The following MBNL2 variants were observed in gnomAD, a reference collection of about 807,000 sequenced individuals.
The protein encoded by MBNL2 is muscleblind like splicing regulator 2.
Under a neutral mutation model 41.9 loss-of-function variants are expected in MBNL2, and 17 were observed. The observed-to-expected ratio is 0.41, with a 90% confidence interval of 0.28 to 0.61. MBNL2 has a LOEUF of 0.61. Among genes scored for constraint, MBNL2 ranks in the 20% least tolerant of loss-of-function variants. The probability of loss-of-function intolerance (pLI) is 0.35; values close to 1 mark genes in which losing one functional copy is unlikely to be tolerated. For missense variants in MBNL2, 336 were observed against 505.6 expected, an observed-to-expected ratio of 0.66 and a Z score of 3.22; for synonymous variants, 195 against 182.9, an observed-to-expected ratio of 1.07 and a Z score of -0.53.
the MBNL2 span, among the ~76,000 whole-genome samples, chr13:97,165,800 A>C: frequency 1.3e-5 from 2 of 152,242 alleles, no homozygotes; most frequent in Non-Finnish European, 2.9e-5. Flanking sequence ...TGTATACTTC[A>C]AAAAGCATGC....
At chr13:97,175,574 CAGT>C in the MBNL2 span, among the ~76,000 whole-genome samples, 1 of 152,128 alleles carries the variant, frequency 6.6e-6, no homozygotes, top group Non-Finnish European at 1.5e-5. Flanking sequence ...AAAAATGTCC[CAGT>C]AGAAGTTAAT....
chr13:97,344,219 A>G (rs2061655440), intron 4 of MBNL2, among the ~76,000 whole-genome samples: 1 of 152,262 alleles, frequency 6.6e-6, no homozygotes, highest in Admixed American at 6.5e-5. Context: ...GAATCAAACC[A>G]AACCTCCTGT....
chr13:97,354,643 T>G (rs1410215906), intron 5 of MBNL2, among the ~76,000 whole-genome samples: 22 of 152,238 alleles, frequency 1.4e-4, no homozygotes. Context: ...AGAAGAAGAA[T>G]ATTAACCTTC....
At chr13:97,191,806 G>C in the MBNL2 span, among the ~76,000 whole-genome samples, 2 of 152,178 alleles carry the variant, frequency 1.3e-5, no homozygotes, top group Non-Finnish European at 2.9e-5. Context: ...CTTAGGAAGG[G>C]GGAGCCCTCT....
chr13:97,160,126 T>C, the MBNL2 span, among the ~76,000 whole-genome samples: 1 of 152,212 alleles, frequency 6.6e-6, no homozygotes, highest in African/African-American at 2.4e-5. Flanking sequence ...GTAATTTTCT[T>C]ATGTTTAAAA....
At chr13:97,193,199 A>G in the MBNL2 span, among the ~76,000 whole-genome samples, 2 of 152,222 alleles carry the variant, frequency 1.3e-5, no homozygotes, top group Non-Finnish European at 2.9e-5. Flanking sequence ...TGAGAAAGGA[A>G]CAGCAGTTCC....
chr13:97,181,938 T>C, the MBNL2 span, among the ~76,000 whole-genome samples: 1 of 152,210 alleles, frequency 6.6e-6, no homozygotes, highest in African/African-American at 2.4e-5. Flanking sequence ...CATCAATGGA[T>C]ACAGAATGGT....
intron 2 of MBNL2, among the ~76,000 whole-genome samples, chr13:97,327,515 G>T (rs1467538470): frequency 8.1e-6 from 1 of 123,910 alleles, no homozygotes; most frequent in African/African-American, 3.3e-5. Flanking sequence ...CTATTTGACA[G>T]ATGAGAAAAT....
intron 8 of MBNL2, among the ~76,000 whole-genome samples, chr13:97,388,392 A>T (rs769188830): frequency 2.4e-4 from 36 of 151,840 alleles, no homozygotes; most frequent in Non-Finnish European, 3.4e-4. Context: ...CACAAAATGT[A>T]TCTATTCATC....
chr13:97,144,420 C>CTTTTTTTTTTT, the MBNL2 span, among the ~76,000 whole-genome samples: 4 of 87,606 alleles, frequency 4.6e-5, 1 homozygote, highest in African/African-American at 2.2e-4. Flanking sequence ...AGACATGATA[C>CTTTTTTTTTTT]TTCTTTTTTT....
At chr13:97,381,178 T>C (rs1252665937) in intron 8 of MBNL2, among the ~76,000 whole-genome samples, 2 of 152,054 alleles carry the variant, frequency 1.3e-5, no homozygotes, top group African/African-American at 4.8e-5. Context: ...AACACTAATT[T>C]TTTTGCTGGA....
intron 1 of MBNL2, among the ~76,000 whole-genome samples, chr13:97,229,442 T>C (rs1173078589): frequency 6.6e-6 from 1 of 152,106 alleles, no homozygotes; most frequent in Non-Finnish European, 1.5e-5. Context: ...GCTCATCCTT[T>C]AAAAATGTCA....
chr13:97,314,094 C>G (rs1594197222), intron 2 of MBNL2, among the ~76,000 whole-genome samples: 1 of 152,094 alleles, frequency 6.6e-6, no homozygotes, highest in African/African-American at 2.4e-5. Flanking sequence ...ACCATCTGGT[C>G]ACCTCACTCT....
At position 97,233,473 on chromosome 13, in the gene MBNL2, GC is replaced by G. The variant is rs913120762; in HGVS notation, c.-605+10943del. Among the ~76,000 whole-genome samples the G allele has an allele frequency of 8.6e-5, 13 of 151,076 alleles. No homozygotes were observed. The South Asian group carries it at 2.3e-3, about 27-fold the overall frequency. ...GTTCTCTCTTCGAAGTCTGTACCTG[GC>G]ACCCCTACTAAATGGCACACACAGA... is the stretch of plus-strand genomic sequence containing the variant. On this transcript the variant is annotated intron_variant, in intron 1 of 8. Transcript: ENST00000679496.
chr13:97,339,710 T>G (rs76393021), intron 3 of MBNL2, among the ~76,000 whole-genome samples: 6,875 of 151,956 alleles, frequency 0.045, 478 homozygotes, highest in African/African-American at 0.15. Flanking sequence ...TTAATTTGAA[T>G]TCAGGATCTG....
At chr13:97,274,756 C>G (rs1445920915) in intron 1 of MBNL2, among the ~76,000 whole-genome samples, 1 of 152,120 alleles carries the variant, frequency 6.6e-6, no homozygotes, top group Non-Finnish European at 1.5e-5. Context: ...GATTTCATAA[C>G]CCTTGAAAAA....
the MBNL2 span, among the ~76,000 whole-genome samples, chr13:97,208,149 C>T: frequency 6.6e-6 from 1 of 152,186 alleles, no homozygotes; most frequent in Non-Finnish European, 1.5e-5. Context: ...ACTTTTGTTT[C>T]TTGCAGGACT....
the MBNL2 span, among the ~76,000 whole-genome samples, chr13:97,154,674 C>A: frequency 6.6e-6 from 1 of 152,052 alleles, no homozygotes; most frequent in Non-Finnish European, 1.5e-5. Context: ...TTGGATGATG[C>A]GGGGAAGGCA....
the MBNL2 span, among the ~76,000 whole-genome samples, chr13:97,204,126 G>A: frequency 2.0e-5 from 3 of 152,208 alleles, no homozygotes; most frequent in Admixed American, 6.5e-5. Context: ...TCTGAGGATT[G>A]GATTTACCCG....
Sources: allele counts gnomAD v4.1 joint callset (sites outside exome capture counted in the v4.1 genomes callset), GRCh38; gene constraint gnomAD v4.1.1; transcripts MANE v1.5; gene names NCBI Gene and HGNC (gene_info 2026-07-23, HGNC 2026-07-21).